Variants in MATK observed in about 807,000 individuals in gnomAD.
The protein encoded by MATK is megakaryocyte-associated tyrosine kinase, also known as megakaryocyte-associated tyrosine-protein kinase.
MATK carries 41 observed loss-of-function variants against 59.8 expected under a neutral mutation model. The observed-to-expected ratio is 0.69, with a 90% CI of 0.53 to 0.89. The LOEUF (loss-of-function observed/expected upper bound fraction) is 0.89, where lower values mean the gene tolerates loss of function less well. Ranked by LOEUF, MATK falls within the 40% of genes least tolerant of loss-of-function variation. The pLI, the probability that MATK is intolerant of heterozygous loss-of-function variation, is 0.00. For missense variants in MATK, 593 were observed against 719.6 expected (o/e 0.82, Z 2.01); for synonymous variants, 308 against 306.1 (o/e 1.01, Z -0.06).
Position 3,784,121 on chromosome 19 carries a change from C to G in MATK, c.362+3G>C. On this transcript the variant is annotated splice_donor_region_variant and intron_variant, in intron 5 of 13. Transcript: ENST00000310132. ...ACCCCAGGCCCCTGTCCTGCCCACTCACGGCATGAGGCTGAGCTTGGGGTC... is the reference window on the plus strand; with the variant it reads ...ACCCCAGGCCCCTGTCCTGCCCACTGACGGCATGAGGCTGAGCTTGGGGTC... 1 of 1,605,394 alleles carries G rather than the reference C, an allele frequency of 6.2e-7. No homozygotes were observed. The highest frequency in any genetic ancestry group is 8.5e-7 in the Non-Finnish European group (1 of 1,174,536).
upstream of MATK, among the ~76,000 whole-genome samples, chr19:3,789,768 G>A (rs1164387555): frequency 2.8e-5 from 4 of 141,626 alleles, no homozygotes; most frequent in Non-Finnish European, 6.0e-5. Flanking sequence ...TCTGTTACCC[G>A]GGCTAGAGTG....
chr19:3,787,063 G>A (rs746793673), upstream of MATK, among the ~76,000 whole-genome samples: 1 of 152,184 alleles, frequency 6.6e-6, no homozygotes, highest in Non-Finnish European at 1.5e-5. Flanking sequence ...GGCCCCCAGC[G>A]ATGGCTTTGT....
At chr19:3,791,350 A>C (rs12982720), upstream of MATK, among the ~76,000 whole-genome samples, 133,609 of 148,756 alleles carry the variant, frequency 0.9, 60,036 homozygotes, top group Middle Eastern at 0.98. Context: ...ACCTCCCCCC[A>C]CTTTTTTTTT....
intron 2 of MATK, 23 bp downstream of exon 2, chr19:3,785,041 C>G (rs757956206): frequency 1.9e-5 from 31 of 1,610,864 alleles, no homozygotes; most frequent in Non-Finnish European, 2.5e-5. Context: ...CTCCCCAAGC[C>G]CCTGTGGGGA....
At position 3,778,269 on chromosome 19, in the gene MATK, G is replaced by A. The variant is rs756199291; in HGVS notation, c.1438C>T (p.Arg480Trp). 22 of 1,574,330 alleles carry A rather than the reference G, an allele frequency of 1.4e-5. No homozygotes were observed. Among genetic ancestry groups the A allele is most frequent in the South Asian group, 5.8e-5 (5 of 86,192 alleles). Reference protein sequence around the residue: ...PFRKLAEKLARELRSAGAPAS... With the variant: ...PFRKLAEKLAWELRSAGAPAS... ...GGGGCACCTGCACTGCGTAGCTCCC[G>A]GGCCAGCTTCTCGGCCAGTTTGCGG... The change falls in exon 14 of 14, where the codon CGG (arginine) becomes TGG (tryptophan). Residue 480 changes from arginine to tryptophan, a missense_variant. Transcript: ENST00000310132.
At chr19:3,784,568 G>A in intron 3 of MATK, 117 bp from the exon 4 acceptor site, 1 of 719,982 alleles carries the variant, frequency 1.4e-6, no homozygotes, top group Non-Finnish European at 2.3e-6. Flanking sequence ...GAAAAGAGCG[G>A]AGAGGCAGAG....
chr19:3,780,649 G>A (rs1038512275), intron 8 of MATK, among the ~76,000 whole-genome samples: 1 of 148,714 alleles, frequency 6.7e-6, no homozygotes, highest in African/African-American at 2.5e-5. Flanking sequence ...AGCCAGGATG[G>A]TCTCGATCTC....
At chr19:3,799,209 C>G (rs944119935) in intron 1 of MATK, among the ~76,000 whole-genome samples, 11 of 152,116 alleles carry the variant, frequency 7.2e-5, no homozygotes, top group Non-Finnish European at 1.5e-4. Flanking sequence ...CATTTTCTTA[C>G]TGAATTCTCC....
intron 1 of MATK, 198 bp from the exon 2 acceptor site, chr19:3,785,484 G>C (rs1266765929): frequency 2.8e-5 from 10 of 351,798 alleles, no homozygotes; most frequent in East Asian, 6.4e-5. Context: ...CTGCAGGGGT[G>C]GGGGAGCCTC....
chr19:3,779,715 G>A lies in MATK; in HGVS notation c.825C>T (p.Asp275=), dbSNP rs371453673. ...KCDVTAQAFL[D]ETAVMTKMQH... Reference sequence around the variant, plus strand: ...GGACTCACGTCATGACGGCCGTCTCGTCCAGGAAGGCCTGGGCTGTCACAT... The same window carrying A: ...GGACTCACGTCATGACGGCCGTCTCATCCAGGAAGGCCTGGGCTGTCACAT... The change falls in exon 9 of 14, where the codon GAC becomes GAT. Residue 275 remains aspartate, a synonymous_variant. Transcript: ENST00000310132. 83 of 1,612,904 alleles carry A rather than the reference G, an allele frequency of 5.1e-5. No individual in the cohort carries two copies. The highest frequency in any genetic ancestry group is 6.7e-5 in the Non-Finnish European group (79 of 1,179,964).
At chr19:3,788,487 G>A (rs970739152), upstream of MATK, among the ~76,000 whole-genome samples, 1 of 151,904 alleles carries the variant, frequency 6.6e-6, no homozygotes, top group Non-Finnish European at 1.5e-5. Context: ...TGGTGTGGTG[G>A]TGGATGCCTG....
intron 7 of MATK, among the ~76,000 whole-genome samples, chr19:3,782,572 G>T (rs992050664): frequency 2.0e-5 from 3 of 152,238 alleles, no homozygotes; most frequent in Non-Finnish European, 4.4e-5. Flanking sequence ...CTGGGAGGGG[G>T]TGGATGTGTG....
Position 3,785,302 on chromosome 19 carries a change from G to C in MATK, c.-151-16C>G, listed in dbSNP as rs762118332. On this transcript the variant is annotated splice_polypyrimidine_tract_variant and intron_variant, in intron 1 of 13. Transcript: ENST00000310132. Reference sequence around the variant, plus strand: ...TTCCTGTTTTCTGGTTGGTAGGCAGGGGCAGGGTGGGGAAATAGGGATGAG... The same window carrying C: ...TTCCTGTTTTCTGGTTGGTAGGCAGCGGCAGGGTGGGGAAATAGGGATGAG... 8.3e-6 allele frequency: 12 copies of C among 1,443,430 alleles called. No homozygotes were observed. In the South Asian group the frequency reaches 1.6e-4, roughly 20 times the overall value. The allele number at this position is 1,443,430 out of a possible 1,614,324, so 89.4% of individuals were successfully genotyped here.
upstream of MATK, chr19:3,789,136 G>C (rs1484009718): frequency 8.7e-6 from 5 of 573,162 alleles, no homozygotes; most frequent in East Asian, 5.9e-5. Context: ...GAAAGGGCTG[G>C]GGACGCTGCA....
At chr19:3,798,993 T>C (rs1346859462) in intron 1 of MATK, among the ~76,000 whole-genome samples, 2 of 147,604 alleles carry the variant, frequency 1.4e-5, no homozygotes, top group Non-Finnish European at 3.0e-5. Flanking sequence ...TTTTCAGAGA[T>C]GGGGTCTTGG....
intron 1 of MATK, among the ~76,000 whole-genome samples, chr19:3,796,851 A>C (rs2052059): frequency 6.6e-6 from 1 of 152,050 alleles, no homozygotes; most frequent in African/African-American, 2.4e-5. Flanking sequence ...ACAGTATTGT[A>C]GGTGGATACT....
intron 3 of MATK, 30 bp downstream of exon 3, chr19:3,784,795 G>A (rs1056394929): frequency 3.9e-6 from 6 of 1,534,284 alleles, no homozygotes; most frequent in Non-Finnish European, 5.3e-6. Context: ...AGGACCCGGG[G>A]AGCAGAGGAA....
chr19:3,788,560 AGAGAGCCAAGATCGC>A (rs1396697468), upstream of MATK, among the ~76,000 whole-genome samples: 1 of 148,596 alleles, frequency 6.7e-6, no homozygotes, highest in Non-Finnish European at 1.5e-5. Context: ...CGGAGGTTGC[AGAGAGCCAAGATCGC>A]GCCACTGCAC....
chr19:3,778,733 C>T (rs1041301739), intron 12 of MATK, 138 bp from the exon 13 acceptor site: 1 of 1,001,520 alleles, frequency 1.0e-6, no homozygotes, highest in Middle Eastern at 3.0e-4. Context: ...ACGCCGCCCG[C>T]AGTTGAGTCT....
Sources: gnomAD v4.1 joint callset for allele counts (sites outside exome capture counted in the v4.1 genomes callset) on GRCh38, gnomAD v4.1.1 for gene constraint, MANE v1.5 for transcripts, NCBI Gene and HGNC (gene_info 2026-07-23, HGNC 2026-07-21) for gene names.